The following SLC35B2 variants were observed in gnomAD, a reference collection of about 807,000 sequenced individuals.
The protein encoded by SLC35B2 is adenosine 3'-phospho 5'-phosphosulfate transporter 1.
In SLC35B2, 19 loss-of-function variants were observed where a neutral mutation model predicts 37.9. That is an observed-to-expected ratio of 0.50 (90% confidence interval 0.35 to 0.74). The LOEUF (loss-of-function observed/expected upper bound fraction) is 0.74, where lower values mean the gene tolerates loss of function less well. Among genes scored for constraint, SLC35B2 ranks in the 30% least tolerant of loss-of-function variants. The pLI is 0.01. For missense variants in SLC35B2, 633 were observed against 547.6 expected, an observed-to-expected ratio of 1.16 and a Z score of -1.56; for synonymous variants, 277 against 225.2, an observed-to-expected ratio of 1.23 and a Z score of -2.06.
chr6:44,257,588 C>A, upstream of SLC35B2: 1 of 391,010 alleles, frequency 2.6e-6, no homozygotes, highest in Non-Finnish European at 3.7e-6. Context: ...GACCACGCAG[C>A]GCCCCGGGCC....
chr6:44,256,186 C>G (rs1164475138), intron 3 of SLC35B2, among the ~76,000 whole-genome samples, 156 bp downstream of exon 3: 2 of 152,206 alleles, frequency 1.3e-5, no homozygotes, highest in East Asian at 3.8e-4. Flanking sequence ...GCATTTCCCC[C>G]AAACACCTCA....
rs779286571 is a variant in SLC35B2, at chr6:44,255,308, G to A, written c.697C>T (p.Arg233Cys). The change falls in exon 4 of 4, where the codon CGC becomes TGC. Residue 233 changes from arginine (R) to cysteine (C), a missense_variant. Physicochemically the swap from Arg to Cys is radical, Grantham distance 180. Coordinates refer to ENST00000393812, the MANE Select transcript of SLC35B2 (RefSeq NM_178148.4). ...AGGTACTCCCAGTGTTCGTAGCTGC[G>A]CCGAGACACAAGCTTTCCCATCAGC... ...VMLMGKLVSRRSYEHWEYLTA... is the reference protein window; with the variant it reads ...VMLMGKLVSRCSYEHWEYLTA... 9 of 1,614,122 alleles carry A rather than the reference G, an allele frequency of 5.6e-6. No homozygotes were observed. Among genetic ancestry groups the A allele is most frequent in the East Asian group, 4.5e-5 (2 of 44,902 alleles).
chr6:44,257,119 C>T, intron 1 of SLC35B2: 1 of 575,854 alleles, frequency 1.7e-6, no homozygotes, highest in African/African-American at 1.9e-5. Context: ...CAGGTCTCCT[C>T]TGTTCCCTCC....
intron 1 of SLC35B2, 112 bp downstream of exon 1, chr6:44,257,288 T>A: frequency 8.3e-7 from 1 of 1,202,466 alleles, no homozygotes; most frequent in African/African-American, 1.6e-5. Context: ...GGCAGCGATA[T>A]GCTGGCCGAC....
At chr6:44,257,037 G>GA in intron 1 of SLC35B2, 159 bp from the exon 2 acceptor site, 1 of 842,996 alleles carries the variant, frequency 1.2e-6, no homozygotes, top group Non-Finnish European at 1.7e-6. Context: ...CTCTCTCGGG[G>GA]AGGGGGTGCG....
Position 44,254,167 on chromosome 6 carries a change from CA to C in SLC35B2, c.*538del, listed in dbSNP as rs1244137918. 1 of 217,948 alleles carries C rather than the reference CA, an allele frequency of 4.6e-6. No homozygotes were observed. Among genetic ancestry groups the C allele is most frequent in the South Asian group, 6.5e-5 (1 of 15,296 alleles). 13.5% of individuals were successfully genotyped at this position (217,948 alleles called of 1,614,324 possible). ...GCAAAAAGTTACATTTCTAAAGTAC[CA>C]AAACCTGCAACAGGCTCATGGAACA... On this transcript the variant is annotated 3_prime_UTR_variant, in exon 4 of 4. Coordinates refer to ENST00000393812, the MANE Select transcript of SLC35B2 (RefSeq NM_178148.4).
At position 44,257,391 on chromosome 6, in the gene SLC35B2, A is replaced by C; in HGVS notation, c.11+9T>G. On this transcript the variant is annotated intron_variant, in intron 1 of 3. Coordinates refer to ENST00000393812, the MANE Select transcript of SLC35B2 (RefSeq NM_178148.4). Reference sequence around the variant, plus strand: ...GGTCACGTGAGCTCGCTGCTGCCCTAGCCCCCACCTGGCGTCCATGGTCCA... The same window carrying C: ...GGTCACGTGAGCTCGCTGCTGCCCTCGCCCCCACCTGGCGTCCATGGTCCA... 2 of 1,282,404 alleles carry C rather than the reference A, an allele frequency of 1.6e-6. No individual in the cohort carries two copies. Among genetic ancestry groups the C allele is most frequent in the Non-Finnish European group, 2.0e-6 (2 of 1,007,392 alleles). The allele number at this position is 1,282,404 out of a possible 1,614,324, so 79.4% of individuals were successfully genotyped here.
chr6:44,254,782 CTG>C lies in SLC35B2; in HGVS notation c.1221_1222del (p.Arg408SerfsTer18). The C allele has an allele frequency of 6.2e-7, 1 of 1,614,176 alleles. No individual in the cohort carries two copies. The highest frequency in any genetic ancestry group is 8.5e-7 in the Non-Finnish European group (1 of 1,180,042). On this transcript the variant is annotated frameshift_variant, in exon 4 of 4. Coordinates refer to ENST00000393812, the MANE Select transcript of SLC35B2 (RefSeq NM_178148.4). LOFTEE classifies it high-confidence loss of function. ...CTTTAGACGGCCCCGCGCGTAGACT[CTG>C]AGCAGGAGGGCAGCAAAGACCACAG...
rs557679408 is a variant in SLC35B2, at chr6:44,254,321, T to C, written c.*385A>G. On this transcript the variant is annotated 3_prime_UTR_variant, in exon 4 of 4. Coordinates refer to ENST00000393812, the MANE Select transcript of SLC35B2 (RefSeq NM_178148.4). The stretch of plus-strand genomic sequence containing the variant: ...TTGGAGCCTACACCGCTTGTGCTTT[T>C]CTCACCAGGGTAAGAAATGCAGGTA... The C allele has an allele frequency of 9.0e-6, 2 of 221,176 alleles. No individual in the cohort carries two copies. Among genetic ancestry groups the C allele is most frequent in the Non-Finnish European group, 1.8e-5 (2 of 108,622 alleles). The allele number at this position is 221,176 out of a possible 1,614,324, so 13.7% of individuals were successfully genotyped here.
rs1264812007 is a variant in SLC35B2, at chr6:44,255,495, G to C, written c.510C>G (p.Ser170=). ...GCCGGGGCTGCTTGCAGAGAACACAGGAGAGGCCAGCCACAATCAGTGCCA... is the reference window on the plus strand; with the variant it reads ...GCCGGGGCTGCTTGCAGAGAACACACGAGAGGCCAGCCACAATCAGTGCCA... The part of the protein sequence containing the change: ...RVLALIVAGL[S]CVLCKQPRHG... Residue 170 remains serine (S), a synonymous_variant, in exon 4 of 4, where the codon TCC becomes TCG. Transcript: ENST00000393812. 2 of 1,614,214 alleles carry C rather than the reference G, an allele frequency of 1.2e-6. No homozygotes were observed. Among genetic ancestry groups the C allele is most frequent in the East Asian group, 2.2e-5 (1 of 44,880 alleles).
In SLC35B2 at chr6:44,256,575, C is replaced by T. The variant is rs1485183192; in HGVS notation, c.206-79G>A. On this transcript the variant is annotated intron_variant, in intron 2 of 3. Transcript: ENST00000393812. Reference sequence around the variant, plus strand: ...TCCCCAGAGCAGCCAGCCTGCCCTGCTGTCCGGCCTACCGACCTCCCGCCC... The same window carrying T: ...TCCCCAGAGCAGCCAGCCTGCCCTGTTGTCCGGCCTACCGACCTCCCGCCC... The T allele has an allele frequency of 1.4e-5, 23 of 1,610,464 alleles. No individual in the cohort carries two copies. The Admixed American group carries it at 3.9e-4, about 27-fold the overall frequency.
rs533016571 is a variant in SLC35B2, at chr6:44,254,588, C to G, written c.*118G>C. Reference sequence around the variant, plus strand: ...CCCAATCCCCTGCTGCAGAGCTGGTCTGTGATACTGAGAAAACACCTGCAT... The same window carrying G: ...CCCAATCCCCTGCTGCAGAGCTGGTGTGTGATACTGAGAAAACACCTGCAT... On this transcript the variant is annotated 3_prime_UTR_variant, in exon 4 of 4. Coordinates refer to ENST00000393812, the MANE Select transcript of SLC35B2 (RefSeq NM_178148.4). 1 of 1,179,462 alleles carries G rather than the reference C, an allele frequency of 8.5e-7. No homozygotes were observed. The highest frequency in any genetic ancestry group is 1.5e-5 in the African/African-American group (1 of 64,988). The allele number at this position is 1,179,462 out of a possible 1,614,324, so 73.1% of individuals were successfully genotyped here.
At chr6:44,257,012 CCTCTCTCT>C (rs36092647) in intron 1 of SLC35B2, 134 bp from the exon 2 acceptor site, 9 of 798,416 alleles carry the variant, frequency 1.1e-5, no homozygotes, top group South Asian at 4.4e-5. Flanking sequence ...GGACAAAGAG[CCTCTCTCT>C]CTCTCTCTCT....
Position 44,254,364 on chromosome 6 carries a change from G to C in SLC35B2, c.*342C>G, listed in dbSNP as rs1001629813. The stretch of plus-strand genomic sequence containing the variant: ...TGCAGGTATTTGCAGAGGGGAGTGA[G>C]TCTGGAAGGTGGCAGAGCACAGCTA... On this transcript the variant is annotated 3_prime_UTR_variant, in exon 4 of 4. Transcript: ENST00000393812. The C allele has an allele frequency of 1.1e-5, 3 of 271,410 alleles. No individual in the cohort carries two copies. Among genetic ancestry groups the C allele is most frequent in the African/African-American group, 2.2e-5 (1 of 45,154 alleles). The allele number at this position is 271,410 out of a possible 1,614,324, so 16.8% of individuals were successfully genotyped here.
upstream of SLC35B2, chr6:44,257,684 G>GC (rs1476367762): frequency 5.9e-6 from 1 of 170,026 alleles, no homozygotes; most frequent in African/African-American, 2.4e-5. Flanking sequence ...GGCGCGGGGA[G>GC]CCCCAGCCCT....
intron 1 of SLC35B2, 162 bp from the exon 2 acceptor site, chr6:44,257,040 G>A (rs1033675879): frequency 2.4e-6 from 2 of 820,542 alleles, no homozygotes; most frequent in African/African-American, 1.7e-5. Context: ...TCTCGGGGAG[G>A]GGGTGCGCCG....
intron 3 of SLC35B2, 21 bp from the exon 4 acceptor site, chr6:44,255,665 A>C: frequency 6.3e-7 from 1 of 1,593,374 alleles, no homozygotes; most frequent in Non-Finnish European, 8.6e-7. Flanking sequence ...AGGTAGAGAC[A>C]AAGGAGACAA....
At position 44,256,896 on chromosome 6, in the gene SLC35B2, A is replaced by G. The variant is rs1289723623; in HGVS notation, c.12-18T>C. ...CCCACCATCTGTAAGGAAAGCGGAC[A>G]TAAGGATTAGGGCGCAGCTCCTCAT... On this transcript the variant is annotated intron_variant, in intron 1 of 3. Coordinates refer to ENST00000393812, the MANE Select transcript of SLC35B2 (RefSeq NM_178148.4). The G allele has an allele frequency of 1.1e-5, 17 of 1,596,546 alleles. No homozygotes were observed. The highest frequency in any genetic ancestry group is 1.4e-5 in the Non-Finnish European group (16 of 1,170,752).
At position 44,256,318 on chromosome 6, in the gene SLC35B2, G is replaced by A. The variant is rs762189666; in HGVS notation, c.360+24C>T. On this transcript the variant is annotated intron_variant, in intron 3 of 3. Coordinates refer to ENST00000393812, the MANE Select transcript of SLC35B2 (RefSeq NM_178148.4). ...TGCCCACCGGCATCCAACCCAGGAA[G>A]AGAGGCTGAGCCCACCTACCCACCT... is the stretch of plus-strand genomic sequence containing the variant. 22 of 1,586,612 alleles carry A rather than the reference G, an allele frequency of 1.4e-5. No individual in the cohort carries two copies. The East Asian group carries it at 2.7e-4, about 19-fold the overall frequency.
Sources: gnomAD v4.1 joint callset for allele counts (sites outside exome capture counted in the v4.1 genomes callset) on GRCh38, gnomAD v4.1.1 for gene constraint, MANE v1.5 for transcripts, NCBI Gene and HGNC (gene_info 2026-07-23, HGNC 2026-07-21) for gene names.